ALDH7A1: variants seen among roughly 807,000 people sequenced by gnomAD.
ALDH7A1 encodes aldehyde dehydrogenase 7 family member A1.
In ALDH7A1, 63 loss-of-function variants were observed where a neutral mutation model predicts 79.9. That is an observed-to-expected ratio of 0.79 (90% confidence interval 0.64 to 0.97). The LOEUF (loss-of-function observed/expected upper bound fraction) is 0.97, where lower values mean the gene tolerates loss of function less well. Ranked by LOEUF, ALDH7A1 falls within the 50% of genes least tolerant of loss-of-function variation. The pLI, the probability that ALDH7A1 is intolerant of heterozygous loss-of-function variation, is 0.00. For synonymous variants in ALDH7A1, 240 were observed against 231.2 expected, an observed-to-expected ratio of 1.04 and a Z score of -0.34; for missense variants, 627 against 665.2, an observed-to-expected ratio of 0.94 and a Z score of 0.63.
chr5:126,573,513 C>T (rs1406303427), intron 7 of ALDH7A1, among the ~76,000 whole-genome samples: 2 of 151,954 alleles, frequency 1.3e-5, no homozygotes, highest in African/African-American at 2.4e-5. Flanking sequence ...TCCTGGCCAA[C>T]ATGGTGAAAC....
At position 126,549,990 on chromosome 5, in the gene ALDH7A1, T is replaced by G; in HGVS notation, c.1428A>C (p.Ser476=). 1 of 1,614,184 alleles carries G rather than the reference T, an allele frequency of 6.2e-7. No individual in the cohort carries two copies. The highest frequency in any genetic ancestry group is 8.5e-7 in the Non-Finnish European group (1 of 1,180,034). The change falls in exon 16 of 18, where the codon TCA becomes TCC. Residue 476 remains serine, a synonymous_variant. Coordinates refer to ENST00000409134, the MANE Select transcript of ALDH7A1 (RefSeq NM_001182.5). The part of the protein sequence containing the change: ...RIFRWLGPKG[S]DCGIVNVNIP... Reference sequence around the variant, plus strand: ...TGTTGACATTTACAATGCCACAGTCTGATCCTTTAGGTCTGTGTAAAAAGG... The same window carrying G: ...TGTTGACATTTACAATGCCACAGTCGGATCCTTTAGGTCTGTGTAAAAAGG...
intron 3 of ALDH7A1, among the ~76,000 whole-genome samples, chr5:126,591,122 A>T (rs1057164494): frequency 1.3e-4 from 20 of 151,008 alleles, no homozygotes; most frequent in South Asian, 8.4e-4. Context: ...AATCTTTTCT[A>T]AAAAAAAAGA....
chr5:126,592,300 T>C (rs775933885), intron 3 of ALDH7A1: 57 of 249,714 alleles, frequency 2.3e-4, no homozygotes, highest in Non-Finnish European at 3.9e-4. Flanking sequence ...GGCAGGGGGA[T>C]AGAGGAGGAG....
chr5:126,562,656 T>G (rs75829008), intron 9 of ALDH7A1, among the ~76,000 whole-genome samples: 38,359 of 151,998 alleles, frequency 0.25, 5,157 homozygotes, highest in Admixed American at 0.34. Context: ...AAGACCATCC[T>G]GGCCAACATG....
intron 4 of ALDH7A1, 114 bp downstream of exon 4, chr5:126,583,818 T>A (rs1305546720): frequency 1.2e-6 from 1 of 837,680 alleles, no homozygotes; most frequent in Non-Finnish European, 1.9e-6. Flanking sequence ...CCAGCCTGGG[T>A]GACAGCAAGA....
At chr5:126,562,420 A>C (rs914085053) in intron 9 of ALDH7A1, 1 of 151,506 alleles carries the variant, frequency 6.6e-6, no homozygotes, top group Non-Finnish European at 1.5e-5. Flanking sequence ...CATGTTGCCC[A>C]GGCCGGTCTC....
At chr5:126,576,636 GT>G (rs1374017459) in intron 6 of ALDH7A1, among the ~76,000 whole-genome samples, 1 of 152,298 alleles carries the variant, frequency 6.6e-6, no homozygotes, top group South Asian at 2.1e-4. Flanking sequence ...CACTACCAAA[GT>G]TTTATTGGCC....
chr5:126,551,940 A>G (rs1281983067), intron 14 of ALDH7A1, 81 bp downstream of exon 14: 11 of 1,100,030 alleles, frequency 1.0e-5, no homozygotes, highest in Non-Finnish European at 1.5e-5. Flanking sequence ...TTAAAGGTTC[A>G]TCCAGTGAAA....
At position 126,563,517 on chromosome 5, in the gene ALDH7A1, T is replaced by A. The variant is rs1024111553; in HGVS notation, c.872-2393A>T. 2.6e-5 allele frequency among the ~76,000 whole-genome samples: 4 copies of A among 152,132 alleles called. No homozygotes were observed. The South Asian group carries it at 8.3e-4, about 32-fold the overall frequency. On this transcript the variant is annotated intron_variant, in intron 9 of 17. Coordinates refer to ENST00000409134, the MANE Select transcript of ALDH7A1 (RefSeq NM_001182.5). ...TGCCATTCTTTTTTTTCAGTCAGAGTCTTGCTCTGTTGCCCAGGCTGGAGT... is the reference window on the plus strand; with the variant it reads ...TGCCATTCTTTTTTTTCAGTCAGAGACTTGCTCTGTTGCCCAGGCTGGAGT...
Position 126,550,242 on chromosome 5 carries a change from T to G in ALDH7A1, c.1369A>C (p.Ser457Arg), listed in dbSNP as rs764036426. The change falls in exon 15 of 18, where the codon AGT becomes CGT. Residue 457 changes from serine (S) to arginine (R), a missense_variant. Physicochemically the swap from Ser to Arg is moderately radical, Grantham distance 110. Transcript: ENST00000409134. ...CCCAGATCTTTGGTAAAGATGCTACTTGAAAGTCCCTGTTTTACTTCATTA... is the reference window on the plus strand; with the variant it reads ...CCCAGATCTTTGGTAAAGATGCTACGTGAAAGTCCCTGTTTTACTTCATTA... ...WNNEVKQGLSSSIFTKDLGRI... is the reference protein window; with the variant it reads ...WNNEVKQGLSRSIFTKDLGRI... The G allele has an allele frequency of 6.2e-7, 1 of 1,613,676 alleles. No individual in the cohort carries two copies. The highest frequency in any genetic ancestry group is 1.1e-5 in the South Asian group (1 of 91,052).
intron 1 of ALDH7A1, among the ~76,000 whole-genome samples, chr5:126,594,635 A>G (rs1751677078): frequency 6.6e-6 from 1 of 151,484 alleles, no homozygotes; most frequent in Non-Finnish European, 1.5e-5. Flanking sequence ...TAGTAGAGAC[A>G]AGGTTTCTCC....
chr5:126,587,828 C>T (rs1047078504), intron 3 of ALDH7A1: 2 of 151,998 alleles, frequency 1.3e-5, no homozygotes, highest in Non-Finnish European at 2.9e-5. Flanking sequence ...CCGAGCCTCT[C>T]TAAGTCCCTG....
At chr5:126,574,286 G>C (rs892409017) in intron 7 of ALDH7A1, among the ~76,000 whole-genome samples, 2 of 152,008 alleles carry the variant, frequency 1.3e-5, no homozygotes, top group African/African-American at 4.8e-5. Context: ...TGTAATCCCA[G>C]TTACTCGGGA....
chr5:126,568,210 C>T, intron 9 of ALDH7A1, 49 bp downstream of exon 9: 7 of 1,574,464 alleles, frequency 4.4e-6, no homozygotes, highest in Non-Finnish European at 5.2e-6. Flanking sequence ...TTAGATTTCA[C>T]CTCCATATTT....
rs1554099737 is a variant in ALDH7A1, at chr5:126,568,245, A to T, written c.871+14T>A. The T allele has an allele frequency of 6.2e-7, 1 of 1,613,448 alleles. No individual in the cohort carries two copies. Among genetic ancestry groups the T allele is most frequent in the Non-Finnish European group, 8.5e-7 (1 of 1,179,370 alleles). On this transcript the variant is annotated intron_variant, in intron 9 of 17. Transcript: ENST00000409134. ...TGAGAGAATTAAAATCCTCATTAGAAAGCCAACACTTACCAAACCTCTCCT... is the reference window on the plus strand; with the variant it reads ...TGAGAGAATTAAAATCCTCATTAGATAGCCAACACTTACCAAACCTCTCCT...
chr5:126,557,004 A>G (rs1001598985), intron 11 of ALDH7A1, among the ~76,000 whole-genome samples: 5 of 152,230 alleles, frequency 3.3e-5, no homozygotes, highest in Non-Finnish European at 4.4e-5. Context: ...AAAGACGTCT[A>G]TGAATATTTG....
intron 9 of ALDH7A1, among the ~76,000 whole-genome samples, chr5:126,565,089 C>T (rs566446568): frequency 1.1e-4 from 17 of 152,156 alleles, no homozygotes; most frequent in South Asian, 2.1e-4. Context: ...ATGTGCTAAT[C>T]GGCCATTTAA....
At chr5:126,575,965 A>G (rs983172155) in intron 6 of ALDH7A1, among the ~76,000 whole-genome samples, 2 of 152,168 alleles carry the variant, frequency 1.3e-5, no homozygotes, top group African/African-American at 4.8e-5. Flanking sequence ...CCTGCAGGCT[A>G]AAGAATTGTG....
At chr5:126,584,131 C>G in intron 3 of ALDH7A1, 119 bp from the exon 4 acceptor site, 1 of 875,018 alleles carries the variant, frequency 1.1e-6, no homozygotes, top group Non-Finnish European at 1.9e-6. Flanking sequence ...GACTTTTGAT[C>G]ACATCAAAAC....
Sources: allele counts gnomAD v4.1 joint callset (sites outside exome capture counted in the v4.1 genomes callset), GRCh38; gene constraint gnomAD v4.1.1; transcripts MANE v1.5; gene names NCBI Gene and HGNC (gene_info 2026-07-23, HGNC 2026-07-21).